GMPPA: variants seen among roughly 807,000 people sequenced by gnomAD.
GMPPA encodes GDP-mannose pyrophosphorylase A, also known as mannose-1-phosphate guanylyltransferase regulatory subunit alpha.
GMPPA carries 46 observed loss-of-function variants against 58.6 expected under a neutral mutation model. The observed-to-expected ratio is 0.78, with a 90% CI of 0.62 to 1.00. The LOEUF is 1.00. GMPPA is among the 50% of genes least tolerant of loss of function. The pLI, the probability that GMPPA is intolerant of heterozygous loss-of-function variation, is 0.00. For missense variants in GMPPA, 468 were observed against 556.4 expected (o/e 0.84, Z 1.60); for synonymous variants, 211 against 214.9 (o/e 0.98, Z 0.16).
Position 219,505,444 on chromosome 2 carries a change from C to G in GMPPA, c.756-14C>G. 1 of 1,589,272 alleles carries G rather than the reference C, an allele frequency of 6.3e-7. No homozygotes were observed. Among genetic ancestry groups the G allele is most frequent in the Non-Finnish European group, 8.6e-7 (1 of 1,167,484 alleles). On this transcript the variant is annotated splice_polypyrimidine_tract_variant and intron_variant, in intron 8 of 12. Transcript: ENST00000313597. ...TGCTGACCCCTGAGCCCCTGTCCCC[C>G]TTGCGGTCCCCAGTTCAGCCCTCTA...
chr2:219,506,356 C>G lies in GMPPA; in HGVS notation c.1096C>G (p.Arg366Gly). ...TPSDPNPNDPRARMDSESLFK... is the reference protein window; with the variant it reads ...TPSDPNPNDPGARMDSESLFK... ...CAGTGACCCTAACCCCAACGATCCC[C>G]GAGCCCGCATGGACAGTGAGAGCCT... Residue 366 changes from arginine (R) to glycine (G), a missense_variant, in exon 12 of 13, where the codon CGA (arginine) becomes GGA (glycine). Physicochemically the swap from Arg to Gly is moderately radical, Grantham distance 125. Transcript: ENST00000313597. 2 of 1,613,898 alleles carry G rather than the reference C, an allele frequency of 1.2e-6. No individual in the cohort carries two copies. The highest frequency in any genetic ancestry group is 1.7e-6 in the Non-Finnish European group (2 of 1,180,014).
Position 219,505,465 on chromosome 2 carries a change from C to T in GMPPA, c.763C>T (p.Leu255Phe), listed in dbSNP as rs781693209. The T allele has an allele frequency of 1.3e-6, 2 of 1,570,302 alleles. No individual in the cohort carries two copies. Among genetic ancestry groups the T allele is most frequent in the Non-Finnish European group, 1.7e-6 (2 of 1,156,336 alleles). ...WSQIKSAGSA[L>F]YASRLYLSRY... is the part of the protein sequence containing the mutation. ...CCCCCTTGCGGTCCCCAGTTCAGCC[C>T]TCTACGCCTCCCGCCTCTACCTGAG... The change falls in exon 9 of 13, where the codon CTC (leucine) becomes TTC (phenylalanine). Residue 255 changes from leucine (L) to phenylalanine (F), a missense_variant. Leu to Phe is a conservative substitution (Grantham distance 22). Transcript: ENST00000313597.
In GMPPA at chr2:219,500,163, T is replaced by G. The variant is rs1429443676; in HGVS notation, c.83T>G (p.Leu28Trp). The change falls in exon 3 of 13, where the codon TTG becomes TGG. Residue 28 changes from leucine to tryptophan, a missense_variant. By Grantham distance (61) the Leu-to-Trp change is moderately conservative. Transcript: ENST00000313597. ...RPLSFEVPKP[L>W]FPVAGVPMIQ... ...TTGTCTTTTGAGGTGCCCAAACCAT[T>G]GTTTCCTGTGGCAGGGGTCCCTATG... 2 of 1,594,852 alleles carry G rather than the reference T, an allele frequency of 1.3e-6. No individual in the cohort carries two copies. Among genetic ancestry groups the G allele is most frequent in the Non-Finnish European group, 1.7e-6 (2 of 1,168,810 alleles).
chr2:219,502,103 G>A lies in GMPPA; in HGVS notation c.429+66G>A. ...TCCCAAGAGCTTCCCGGAATTCAGG[G>A]TGTTGGGGAGGCAGGGGCGCCCCGG... is the stretch of plus-strand genomic sequence containing the variant. On this transcript the variant is annotated intron_variant, in intron 5 of 12. Coordinates refer to ENST00000313597, the MANE Select transcript of GMPPA (RefSeq NM_013335.4). This position sits in a 1 kb window ranked among gnomAD's most constrained non-coding sequence, Gnocchi z 4.0. 6.5e-7 allele frequency: 1 copy of A among 1,544,340 alleles called. No homozygotes were observed. Among genetic ancestry groups the A allele is most frequent in the Non-Finnish European group, 8.9e-7 (1 of 1,126,042 alleles).
At chr2:219,503,701 C>T (rs1397944011) in intron 6 of GMPPA, among the ~76,000 whole-genome samples, 2 of 152,126 alleles carry the variant, frequency 1.3e-5, no homozygotes, top group East Asian at 1.9e-4. Flanking sequence ...ACAGCTAACT[C>T]GGGCCAGCAA....
chr2:219,504,157 T>G lies in GMPPA; in HGVS notation c.564T>G (p.Pro188=), dbSNP rs1486095596. 1 of 1,613,732 alleles carries G rather than the reference T, an allele frequency of 6.2e-7. No homozygotes were observed. Among genetic ancestry groups the G allele is most frequent in the African/African-American group, 1.3e-5 (1 of 74,902 alleles). ...IINCGIYLFS[P]EALKPLRDVF... is the part of the protein sequence containing the mutation. ...ACTGCGGCATCTACCTCTTTTCTCC[T>G]GAAGCCTTGAAGCCTCTTCGGGATG... Residue 188 remains proline, a synonymous_variant, in exon 7 of 13, where the codon CCT becomes CCG. Transcript: ENST00000313597.
chr2:219,504,984 C>T, intron 7 of GMPPA: 1 of 922,016 alleles, frequency 1.1e-6, no homozygotes, highest in Non-Finnish European at 1.5e-6. Context: ...GGAAATGGGG[C>T]AGGGATGGGA....
At position 219,506,509 on chromosome 2, in the gene GMPPA, C is replaced by T. The variant is rs1326895397; in HGVS notation, c.1162+87C>T. Reference sequence around the variant, plus strand: ...GAGCATTCGTTCCTCTGTGTGCACGCGTGTTTCTTCTTTTAGCAAACAGTT... The same window carrying T: ...GAGCATTCGTTCCTCTGTGTGCACGTGTGTTTCTTCTTTTAGCAAACAGTT... On this transcript the variant is annotated intron_variant, in intron 12 of 12. Transcript: ENST00000313597. 25 of 1,331,042 alleles carry T rather than the reference C, an allele frequency of 1.9e-5. No individual in the cohort carries two copies. The South Asian group carries it at 2.1e-4, about 11-fold the overall frequency. The allele number at this position is 1,331,042 out of a possible 1,614,324, so 82.5% of individuals were successfully genotyped here.
At chr2:219,504,413 C>G (rs2125636866) in intron 7 of GMPPA, 200 bp downstream of exon 7, 3 of 593,524 alleles carry the variant, frequency 5.1e-6, no homozygotes, top group Non-Finnish European at 6.0e-6. Flanking sequence ...CATCCCAGTT[C>G]CTCCTCTGTC....
intron 3 of GMPPA, chr2:219,501,234 G>C (rs1694377974): frequency 2.1e-6 from 1 of 478,526 alleles, no homozygotes; most frequent in Non-Finnish European, 3.8e-6. Context: ...CTGCACTCCA[G>C]CCTGGGCAAC....
In GMPPA at chr2:219,505,230, A is replaced by T; in HGVS notation, c.623A>T (p.Glu208Val). Residue 208 changes from glutamate to valine, a missense_variant and splice_region_variant, in exon 8 of 13, where the codon GAG becomes GTG. Glu to Val is a moderately radical substitution (Grantham distance 121). Coordinates refer to ENST00000313597, the MANE Select transcript of GMPPA (RefSeq NM_013335.4). ...TCAGCATTCTTCCTCTCTGCCAGGG[A>T]GGACTCACCAGGCTTGTGGCCAGGG... ...FQRNQQDGQL[E>V]DSPGLWPGAG... 1 of 1,613,430 alleles carries T rather than the reference A, an allele frequency of 6.2e-7. No homozygotes were observed. The highest frequency in any genetic ancestry group is 8.5e-7 in the Non-Finnish European group (1 of 1,179,392).
In GMPPA at chr2:219,506,927, A is replaced by C. The variant is rs1161154184; in HGVS notation, c.*129A>C. 2 of 645,728 alleles carry C rather than the reference A, an allele frequency of 3.1e-6. No homozygotes were observed. The highest frequency in any genetic ancestry group is 3.6e-5 in the African/African-American group (2 of 55,706). 40.0% of individuals were successfully genotyped at this position (645,728 alleles called of 1,614,324 possible). ...CGTCACATGCCGGGGAGCAATGTGG[A>C]TGGCCTGGGGACTCCTGGGTTTTCT... On this transcript the variant is annotated 3_prime_UTR_variant, in exon 13 of 13. Transcript: ENST00000313597.
Position 219,502,524 on chromosome 2 carries a change from A to G in GMPPA, c.489+83A>G, listed in dbSNP as rs1227355273. ...TCAGGCCTCTAGAGAATGCTGGCAC[A>G]GTATGGGGTGGGCTCTAGTCTTGTC... is the stretch of plus-strand genomic sequence containing the variant. On this transcript the variant is annotated intron_variant, in intron 6 of 12. Transcript: ENST00000313597. This position sits in a 1 kb window ranked among gnomAD's most constrained non-coding sequence, Gnocchi z 4.0. 25 of 1,038,760 alleles carry G rather than the reference A, an allele frequency of 2.4e-5. No individual in the cohort carries two copies. The highest frequency in any genetic ancestry group is 3.4e-5 in the Non-Finnish European group (23 of 672,942). 64.3% of individuals were successfully genotyped at this position (1,038,760 alleles called of 1,614,324 possible). A position where few individuals can be genotyped will look rare whatever the true frequency, so the allele number is the denominator to read the frequency against.
In GMPPA at chr2:219,502,036, C is replaced by T. The variant is rs372781760; in HGVS notation, c.428C>T (p.Thr143Met). 27 of 1,613,842 alleles carry T rather than the reference C, an allele frequency of 1.7e-5. No homozygotes were observed. The highest frequency in any genetic ancestry group is 1.6e-4 in the Middle Eastern group (1 of 6,082). ...CACCCTTTCTTACTCCTTGGCACTACGGTGAGGGGGTCAGGAGGGCTGGAG... is the reference window on the plus strand; with the variant it reads ...CACCCTTTCTTACTCCTTGGCACTATGGTGAGGGGGTCAGGAGGGCTGGAG... ...QRHPFLLLGTTANRTQSLNYG... is the reference protein window; with the variant it reads ...QRHPFLLLGTMANRTQSLNYG... Residue 143 changes from threonine to methionine, a missense_variant and splice_region_variant, in exon 5 of 13, where the codon ACG becomes ATG. By Grantham distance (81) the Thr-to-Met change is moderately conservative. Transcript: ENST00000313597. The surrounding 1 kb of genome is among the most constrained non-coding windows in gnomAD (Gnocchi z 4.0).
chr2:219,499,423 G>A (rs558548042), intron 1 of GMPPA, among the ~76,000 whole-genome samples: 53 of 152,254 alleles, frequency 3.5e-4, no homozygotes, highest in African/African-American at 1.2e-3. Flanking sequence ...TTCACTATTG[G>A]GGTTCAGGGC....
At chr2:219,505,610 C>A (rs776373574) in intron 9 of GMPPA, 55 bp downstream of exon 9, 41 of 1,575,622 alleles carry the variant, frequency 2.6e-5, no homozygotes, top group Non-Finnish European at 3.6e-5. Flanking sequence ...CCCTCTGAAC[C>A]AGGATTCTTG....
At chr2:219,506,127 C>A in intron 11 of GMPPA, 55 bp downstream of exon 11, 1 of 1,453,552 alleles carries the variant, frequency 6.9e-7, no homozygotes, top group Non-Finnish European at 9.5e-7. Flanking sequence ...GCGGGGAGGG[C>A]CCAGGCATCC....
In GMPPA at chr2:219,506,968, A is replaced by G. The variant is rs1263983454; in HGVS notation, c.*170A>G. The G allele has an allele frequency of 1.6e-6, 1 of 609,836 alleles. No individual in the cohort carries two copies. The highest frequency in any genetic ancestry group is 2.9e-6 in the Non-Finnish European group (1 of 340,544). 37.8% of individuals were successfully genotyped at this position (609,836 alleles called of 1,614,324 possible). Reference sequence around the variant, plus strand: ...TGGGTTTTCTCCCTCCCGACTCCCTAATAAACCCCGTGAACCTTGGAGCCA... The same window carrying G: ...TGGGTTTTCTCCCTCCCGACTCCCTGATAAACCCCGTGAACCTTGGAGCCA... On this transcript the variant is annotated 3_prime_UTR_variant, in exon 13 of 13. Coordinates refer to ENST00000313597, the MANE Select transcript of GMPPA (RefSeq NM_013335.4).
At chr2:219,505,657 C>T (rs766774052) in intron 9 of GMPPA, 58 bp from the exon 10 acceptor site, 10 of 1,596,774 alleles carry the variant, frequency 6.3e-6, no homozygotes, top group Non-Finnish European at 8.6e-6. Context: ...ATCCCTGCCC[C>T]TTCCTGATCA....
Sources: allele counts gnomAD v4.1 joint callset (sites outside exome capture counted in the v4.1 genomes callset), GRCh38; gene constraint gnomAD v4.1.1; non-coding constraint Gnocchi (gnomAD v3.1); transcripts MANE v1.5; gene names NCBI Gene and HGNC (gene_info 2026-07-23, HGNC 2026-07-21).